Variants in CFAP65 observed in about 807,000 individuals in gnomAD.
The protein encoded by CFAP65 is cilia and flagella associated protein 65, also known as cilia- and flagella-associated protein 65.
In CFAP65, 155 loss-of-function variants were observed where a neutral mutation model predicts 208.0. The ratio of observed to expected loss-of-function variants is 0.75; its 90% CI spans 0.65 to 0.85. The LOEUF is 0.85. CFAP65 is among the 40% of genes least tolerant of loss of function. The pLI, the probability that CFAP65 is intolerant of heterozygous loss-of-function variation, is 0.00. For synonymous variants in CFAP65, 970 were observed against 986.3 expected (o/e 0.98, Z 0.31); for missense variants, 2,294 against 2,451.3 (o/e 0.94, Z 1.36).
chr2:219,024,122 C>A lies in CFAP65; in HGVS notation c.2488G>T (p.Ala830Ser), dbSNP rs1421943856. The stretch of plus-strand genomic sequence containing the variant: ...AGGATGATCTGGTGGGCCCCGGGTG[C>A]CACAAGGCCCGAAGTGGGCCGAAGG... Reference protein sequence around the residue: ...VILRPTSGLVAPGAHQIILIC... With the variant: ...VILRPTSGLVSPGAHQIILIC... Residue 830 changes from alanine (A) to serine (S), a missense_variant, in exon 15 of 35, where the codon GCA becomes TCA. Transcript: ENST00000341552. 1.2e-6 allele frequency: 2 copies of A among 1,614,040 alleles called. No individual in the cohort carries two copies. Among genetic ancestry groups the A allele is most frequent in the South Asian group, 1.1e-5 (1 of 91,086 alleles).
Position 219,030,102 on chromosome 2 carries a change from CAT to C in CFAP65, c.1266_1267del (p.Ser425GlyfsTer30). On this transcript the variant is annotated frameshift_variant, in exon 10 of 35. Coordinates refer to ENST00000341552, the MANE Select transcript of CFAP65 (RefSeq NM_194302.4). LOFTEE classifies it high-confidence loss of function. ...CTTGGGGTGGAAGAACACCGACACA[CAT>C]TTCTTCTCTCCCGGAAGCACGATGC... 6.2e-7 allele frequency: 1 copy of C among 1,614,152 alleles called. No homozygotes were observed. Among genetic ancestry groups the C allele is most frequent in the South Asian group, 1.1e-5 (1 of 91,088 alleles).
chr2:219,024,236 C>A lies in CFAP65; in HGVS notation c.2374G>T (p.Glu792Ter). ...PKLFPAVSSGEPTYRSLLLVN... is the reference protein window; with the variant it reads ...PKLFPAVSSG ...AGGAGCAGGCTGCGGTAGGTGGGCTCACCGGAGGACACTGCTGGAAATAGC... is the reference window on the plus strand; with the variant it reads ...AGGAGCAGGCTGCGGTAGGTGGGCTAACCGGAGGACACTGCTGGAAATAGC... Residue 792 changes from glutamate to a stop codon, truncating the protein, a stop_gained, in exon 15 of 35, where the codon GAG becomes TAG. Coordinates refer to ENST00000341552, the MANE Select transcript of CFAP65 (RefSeq NM_194302.4). LOFTEE classifies it high-confidence loss of function. 6.2e-7 allele frequency: 1 copy of A among 1,613,162 alleles called. No individual in the cohort carries two copies. Among genetic ancestry groups the A allele is most frequent in the Non-Finnish European group, 8.5e-7 (1 of 1,179,812 alleles).
Position 219,004,455 on chromosome 2 carries a change from C to G in CFAP65, c.5052G>C (p.Arg1684Ser). 6.2e-7 allele frequency: 1 copy of G among 1,602,414 alleles called. No individual in the cohort carries two copies. Among genetic ancestry groups the G allele is most frequent in the Non-Finnish European group, 8.5e-7 (1 of 1,174,268 alleles). Residue 1684 changes from arginine (R) to serine (S), a missense_variant and splice_region_variant, in exon 33 of 35, where the codon AGG (arginine) becomes AGC (serine). Around this residue, in one of 2 missense-constraint regions of CFAP65, gnomAD observed 1,427 missense variants for 1,438.7 expected, o/e 0.99. Coordinates refer to ENST00000341552, the MANE Select transcript of CFAP65 (RefSeq NM_194302.4). The surrounding 1 kb of genome is among the most constrained non-coding windows in gnomAD (Gnocchi z 4.7). ...LLVDILTTII[R>S]GLLEDKNFHE... ...GGAAGTTCTTGTCTTCCAGCAGGCC[C>G]CTAGGTGGCAGGGAGAAGGAGAAGG...
rs1948653609 is a variant in CFAP65, at chr2:219,041,478, C to G, written c.-49+10G>C. 6.4e-7 allele frequency: 1 copy of G among 1,550,422 alleles called. No individual in the cohort carries two copies. The highest frequency in any genetic ancestry group is 1.2e-5 in the South Asian group (1 of 84,060). ...ACCCTGGGACCTTGGGACTAACGCT[C>G]AGAACTTACATCGCCTCCATATTGC... On this transcript the variant is annotated intron_variant, in intron 1 of 34. Coordinates refer to ENST00000341552, the MANE Select transcript of CFAP65 (RefSeq NM_194302.4).
chr2:219,013,309 T>TAG lies in CFAP65; in HGVS notation c.3905_3906dup (p.Thr1303LeufsTer30). 1.2e-6 allele frequency: 2 copies of TAG among 1,614,042 alleles called. No individual in the cohort carries two copies. The highest frequency in any genetic ancestry group is 2.2e-5 in the South Asian group (2 of 91,060). On this transcript the variant is annotated frameshift_variant, in exon 24 of 35. Transcript: ENST00000341552. LOFTEE classifies it high-confidence loss of function. ...ATGGGAATGGGGATGAACTGGTGGG[T>TAG]AGTAGAGGTGAAGTGCACATACTTC...
intron 3 of CFAP65, 32 bp from the exon 4 acceptor site, chr2:219,038,610 G>A (rs201083940): frequency 2.5e-6 from 4 of 1,576,758 alleles, no homozygotes; most frequent in Middle Eastern, 1.7e-4. Context: ...GAGGAGACAG[G>A]AGTGACATGA....
Position 219,029,898 on chromosome 2 carries a change from C to T in CFAP65, c.1384+88G>A, listed in dbSNP as rs1227596381. ...CACCCAGGCTGAGGCAAGGTGGCCC[C>T]GCCTCCTAGGAGCAGGGAAGGAGCT... On this transcript the variant is annotated intron_variant, in intron 10 of 34. Transcript: ENST00000341552. 41 of 1,349,908 alleles carry T rather than the reference C, an allele frequency of 3.0e-5. No homozygotes were observed. The Middle Eastern group carries it at 7.0e-4, about 23-fold the overall frequency. 83.6% of individuals were successfully genotyped at this position (1,349,908 alleles called of 1,614,324 possible).
In CFAP65 at chr2:219,031,203, G is replaced by C; in HGVS notation, c.918C>G (p.Thr306=). ...EPGQASQIKV[T]FQPLTAVIYE... ...AGATGACGGCTGTAAGGGGCTGAAA[G>C]GTCACCTTGATCTGAGAGGCCTGGC... is the stretch of plus-strand genomic sequence containing the variant. Residue 306 remains threonine, a synonymous_variant, in exon 8 of 35, where the codon ACC becomes ACG. Transcript: ENST00000341552. The surrounding 1 kb of genome is among the most constrained non-coding windows in gnomAD (Gnocchi z 5.2). The C allele has an allele frequency of 6.2e-7, 1 of 1,613,516 alleles. No homozygotes were observed. The highest frequency in any genetic ancestry group is 8.5e-7 in the Non-Finnish European group (1 of 1,179,822).
intron 21 of CFAP65, among the ~76,000 whole-genome samples, chr2:219,016,940 C>G (rs1049922584): frequency 1.2e-4 from 19 of 152,272 alleles, no homozygotes; most frequent in African/African-American, 4.3e-4. Context: ...GTGTACACAC[C>G]AGGCCCTCTG....
At chr2:219,008,562 T>C (rs1363543959) in intron 29 of CFAP65, among the ~76,000 whole-genome samples, 2 of 152,060 alleles carry the variant, frequency 1.3e-5, no homozygotes, top group African/African-American at 2.4e-5. Context: ...CTGGCCAACA[T>C]GGTGAAACCC....
chr2:219,035,382 T>C, intron 5 of CFAP65, 98 bp downstream of exon 5: 1 of 1,606,770 alleles, frequency 6.2e-7, no homozygotes, highest in Non-Finnish European at 8.5e-7. Flanking sequence ...ATATGGCATG[T>C]TAAAGGTTTT....
chr2:219,006,626 A>C, intron 29 of CFAP65, 117 bp from the exon 30 acceptor site: 1 of 957,272 alleles, frequency 1.0e-6, no homozygotes, highest in Non-Finnish European at 1.7e-6. Flanking sequence ...CTGAGATCAG[A>C]AGTTTGAGAC....
rs776844389 is a variant in CFAP65 at position 219,038,478 on chromosome 2, G to A, written c.254C>T (p.Thr85Ile). 6.2e-7 allele frequency: 1 copy of A among 1,614,176 alleles called. No homozygotes were observed. The highest frequency in any genetic ancestry group is 8.5e-7 in the Non-Finnish European group (1 of 1,180,042). The change falls in exon 4 of 35, where the codon ACC becomes ATC. Residue 85 changes from threonine to isoleucine, a missense_variant. This residue lies in a region of CFAP65 where 867 missense variants were observed against 1,012.6 expected (regional missense o/e 0.86). Coordinates refer to ENST00000341552, the MANE Select transcript of CFAP65 (RefSeq NM_194302.4). ...CAGGCAGGATCCACCAGAGTTCACGGTGTGGTTCCTGCTGTTCCTGGACCT... is the reference window on the plus strand; with the variant it reads ...CAGGCAGGATCCACCAGAGTTCACGATGTGGTTCCTGCTGTTCCTGGACCT... ...VVRSRNSRNH[T>I]VNSGGSCLSA...
chr2:219,014,260 A>G lies in CFAP65; in HGVS notation c.3603-216T>C, dbSNP rs546332760. 6.1e-4 allele frequency: 259 copies of G among 421,864 alleles called. 1 individual carries two copies. The highest frequency in any genetic ancestry group is 4.7e-3 in the African/African-American group (236 of 49,790). The allele number at this position is 421,864 out of a possible 1,614,324, so 26.1% of individuals were successfully genotyped here. On this transcript the variant is annotated intron_variant, in intron 21 of 34. Coordinates refer to ENST00000341552, the MANE Select transcript of CFAP65 (RefSeq NM_194302.4). ...AAAACCCAGGAACAGACTCTGGGCC[A>G]CGGCGACTCAAGAAGTGAAGAGTGG...
At chr2:219,024,982 C>T (rs984607833) in intron 14 of CFAP65, among the ~76,000 whole-genome samples, 4 of 152,222 alleles carry the variant, frequency 2.6e-5, no homozygotes, top group African/African-American at 7.2e-5. Context: ...AGATGATTCT[C>T]ATGCAGGTAA....
chr2:219,033,331 C>A (rs1948166123), intron 5 of CFAP65, among the ~76,000 whole-genome samples: 1 of 152,014 alleles, frequency 6.6e-6, no homozygotes, highest in South Asian at 2.1e-4. Context: ...AAAAAATTAG[C>A]CAGGCATGGT....
At chr2:219,027,354 G>T in intron 13 of CFAP65, 1 of 1,448,914 alleles carries the variant, frequency 6.9e-7, no homozygotes, top group South Asian at 1.5e-5. Flanking sequence ...TCCTAGCCAG[G>T]AGCCCCAGGG....
chr2:219,006,556 G>A (rs553943615), intron 29 of CFAP65, 47 bp from the exon 30 acceptor site: 215 of 1,591,852 alleles, frequency 1.4e-4, no homozygotes, highest in East Asian at 2.2e-4. Flanking sequence ...AGGCCCGGCC[G>A]GGGGTGGTGC....
Position 219,027,870 on chromosome 2 carries a change from G to T in CFAP65, c.1991C>A (p.Pro664Gln). ...EPVEVDFGAC[P>Q]GPEAPNPVPL... is the part of the protein sequence containing the mutation. The stretch of plus-strand genomic sequence containing the variant: ...TACAGGGTTGGGGGCCTCAGGCCCT[G>T]GGCAGGCACCGAAGTCTACCTCGAC... The change falls in exon 13 of 35, where the codon CCA becomes CAA. Residue 664 changes from proline (P) to glutamine (Q), a missense_variant. Transcript: ENST00000341552. The T allele has an allele frequency of 6.4e-7, 1 of 1,567,922 alleles. No homozygotes were observed.
Sources: gnomAD v4.1 joint callset for allele counts (sites outside exome capture counted in the v4.1 genomes callset) on GRCh38, gnomAD v4.1.1 for gene constraint, gnomAD v4.1.1 regional missense constraint, Gnocchi (gnomAD v3.1) non-coding constraint, MANE v1.5 for transcripts, NCBI Gene and HGNC (gene_info 2026-07-23, HGNC 2026-07-21) for gene names.